Variants in ARID3B observed in about 807,000 individuals in gnomAD.
ARID3B encodes the protein AT-rich interaction domain 3B.
In ARID3B, 10 loss-of-function variants were observed where a neutral mutation model predicts 51.9. That is an observed-to-expected ratio of 0.19 (90% CI 0.12 to 0.33). The LOEUF (loss-of-function observed/expected upper bound fraction) is 0.33, where lower values mean the gene tolerates loss of function less well. Among genes scored for constraint, ARID3B ranks in the 10% least tolerant of loss-of-function variants. The probability of loss-of-function intolerance (pLI) is 1.00; values close to 1 mark genes in which losing one functional copy is unlikely to be tolerated. For synonymous variants in ARID3B, 205 were observed against 279.5 expected (o/e 0.73, Z 2.66); for missense variants, 483 against 716.3 (o/e 0.67, Z 3.72).
rs1308828023 is a variant in ARID3B at position 74,579,872 on chromosome 15, T to TGCGC, written c.697+6677_697+6680dup. On this transcript the variant is annotated intron_variant, in intron 4 of 8. Transcript: ENST00000346246. ...GTGTGTGTGTGTGTGTGTGTGTGTG[T>TGCGC]GCGCGCGCGCGCACACGCAAAAAAT... Among the ~76,000 whole-genome samples, 292 of 118,944 alleles carry TGCGC rather than the reference T, an allele frequency of 2.5e-3. 1 individual carries two copies. Among genetic ancestry groups the TGCGC allele is most frequent in the Middle Eastern group, 4.3e-3 (1 of 230 alleles). 78.0% of individuals were successfully genotyped at this position (118,944 alleles called of 152,430 possible).
chr15:74,588,408 T>C (rs761018583), intron 4 of ARID3B, among the ~76,000 whole-genome samples: 2 of 152,144 alleles, frequency 1.3e-5, no homozygotes, highest in Non-Finnish European at 1.5e-5. Flanking sequence ...AGAAGGCGGA[T>C]GGAGCAGAAA....
chr15:74,566,385 A>G (rs980068520), intron 2 of ARID3B, among the ~76,000 whole-genome samples: 3 of 152,058 alleles, frequency 2.0e-5, no homozygotes, highest in Non-Finnish European at 4.4e-5. Flanking sequence ...AGATCACCTG[A>G]GGTCAGGAGT....
In ARID3B at chr15:74,541,700, CA is replaced by C. The variant is rs1699132895; in HGVS notation, c.-78+371del. On this transcript the variant is annotated intron_variant, in intron 1 of 8. Coordinates refer to ENST00000346246, the MANE Select transcript of ARID3B (RefSeq NM_006465.4). Reference sequence around the variant, plus strand: ...TGAATAAAGAATGGGGGGAGGCGTGCAGGGGTGACCGGGAAGGTGGGCTGTG... The same window carrying C: ...TGAATAAAGAATGGGGGGAGGCGTGCGGGGTGACCGGGAAGGTGGGCTGTG... 4.6e-5 allele frequency among the ~76,000 whole-genome samples: 7 copies of C among 151,274 alleles called. No homozygotes were observed. The South Asian group carries it at 1.5e-3, about 32-fold the overall frequency.
chr15:74,590,546 T>A (rs1482850868), intron 5 of ARID3B, among the ~76,000 whole-genome samples: 10 of 152,078 alleles, frequency 6.6e-5, no homozygotes, highest in Non-Finnish European at 4.4e-5. Context: ...ATTACATGGG[T>A]GATGGAAGCG....
intron 2 of ARID3B, among the ~76,000 whole-genome samples, chr15:74,549,494 G>A (rs2061628470): frequency 6.6e-6 from 1 of 151,756 alleles, no homozygotes; most frequent in African/African-American, 2.4e-5. Context: ...TTGAACCTGG[G>A]AGGCGAAGGT....
rs562903133 is a variant in ARID3B, at chr15:74,592,221, G to C, written c.1420+407G>C. 3.3e-5 allele frequency among the ~76,000 whole-genome samples: 5 copies of C among 152,342 alleles called. No individual in the cohort carries two copies. The South Asian group carries it at 1.0e-3, about 32-fold the overall frequency. On this transcript the variant is annotated intron_variant, in intron 7 of 8. Transcript: ENST00000346246. ...TTCCTGAGGCTCAGCGAGGGGCCAAGTTGCCCCGGGCTGGACAGTGGGACT... is the reference window on the plus strand; with the variant it reads ...TTCCTGAGGCTCAGCGAGGGGCCAACTTGCCCCGGGCTGGACAGTGGGACT...
chr15:74,551,434 C>T (rs1484309686), intron 2 of ARID3B, among the ~76,000 whole-genome samples: 2 of 152,164 alleles, frequency 1.3e-5, no homozygotes, highest in Non-Finnish European at 2.9e-5. Context: ...ATACTAAGTC[C>T]TTATAAATAC....
chr15:74,553,001 A>T (rs1169415213), intron 2 of ARID3B, among the ~76,000 whole-genome samples: 4 of 152,192 alleles, frequency 2.6e-5, no homozygotes, highest in Admixed American at 6.5e-5. Context: ...CTTTCTAAGA[A>T]ACTGCCCAAC....
intron 4 of ARID3B, among the ~76,000 whole-genome samples, chr15:74,585,134 C>T (rs2061775623): frequency 6.6e-6 from 1 of 152,174 alleles, no homozygotes. Context: ...AGGTGCTCAC[C>T]CCCTTCTGGG....
chr15:74,580,366 A>G (rs901892811), intron 4 of ARID3B, among the ~76,000 whole-genome samples: 9 of 152,168 alleles, frequency 5.9e-5, no homozygotes, highest in Non-Finnish European at 1.2e-4. Flanking sequence ...TAATAAGCAA[A>G]GGCTATTATA....
At chr15:74,553,490 A>G (rs901145359) in intron 2 of ARID3B, among the ~76,000 whole-genome samples, 15 of 152,196 alleles carry the variant, frequency 9.9e-5, no homozygotes, top group Non-Finnish European at 2.2e-4. Context: ...CTAGTACTAA[A>G]CATTTTATAA....
At chr15:74,557,978 C>T (rs374362317) in intron 2 of ARID3B, among the ~76,000 whole-genome samples, 124 of 151,914 alleles carry the variant, frequency 8.2e-4, no homozygotes, top group Middle Eastern at 3.4e-3. Flanking sequence ...CCCGCCACCA[C>T]GCCTAGCTAA....
intron 2 of ARID3B, among the ~76,000 whole-genome samples, chr15:74,562,785 G>A (rs2061683624): frequency 6.6e-6 from 1 of 152,154 alleles, no homozygotes; most frequent in African/African-American, 2.4e-5. Flanking sequence ...TGGGAATATG[G>A]GAGATCCCAT....
At chr15:74,592,333 A>C (rs566946489) in intron 7 of ARID3B, among the ~76,000 whole-genome samples, 35 of 152,312 alleles carry the variant, frequency 2.3e-4, no homozygotes, top group African/African-American at 7.9e-4. Flanking sequence ...CTGGTGCCCC[A>C]CATTCTCTTC....
intron 2 of ARID3B, among the ~76,000 whole-genome samples, chr15:74,549,115 T>C (rs1471226745): frequency 1.3e-5 from 2 of 151,706 alleles, no homozygotes; most frequent in African/African-American, 4.8e-5. Context: ...TCGCTGTCAC[T>C]CAGGCTAGAG....
intron 2 of ARID3B, among the ~76,000 whole-genome samples, chr15:74,563,602 C>T (rs751240470): frequency 1.6e-4 from 25 of 152,200 alleles, no homozygotes; most frequent in Non-Finnish European, 3.1e-4. Context: ...GGCTCTCCAA[C>T]TCTGACTTTG....
At chr15:74,572,988 A>C in intron 3 of ARID3B, 55 bp downstream of exon 3, 1 of 1,603,646 alleles carries the variant, frequency 6.2e-7, no homozygotes, top group South Asian at 1.1e-5. Context: ...GTGGCTTGTT[A>C]CAGCTGATTC....
Position 74,583,031 on chromosome 15 carries a change from CAA to C in ARID3B, c.698-6771_698-6770del, listed in dbSNP as rs563528666. On this transcript the variant is annotated intron_variant, in intron 4 of 8. Transcript: ENST00000346246. ...CAACATGGTGAAACCCCATCTCTAC[CAA>C]AAAAAAAAAAAAAAAAATTAGCTGG... Among the ~76,000 whole-genome samples, 69 of 102,732 alleles carry C rather than the reference CAA, an allele frequency of 6.7e-4. 1 individual carries two copies. Among genetic ancestry groups the C allele is most frequent in the African/African-American group, 1.2e-3 (32 of 27,296 alleles). The allele number at this position is 102,732 out of a possible 152,430, so 67.4% of individuals were successfully genotyped here. A position where few individuals can be genotyped will look rare whatever the true frequency, so the allele number is the denominator to read the frequency against.
chr15:74,552,284 A>G (rs1224834690), intron 2 of ARID3B, among the ~76,000 whole-genome samples: 2 of 15,452 alleles, frequency 1.3e-4, no homozygotes, highest in African/African-American at 4.7e-4. Flanking sequence ...GATGGTCTCA[A>G]TCTCCTGACC....
Sources: allele counts gnomAD v4.1 joint callset (sites outside exome capture counted in the v4.1 genomes callset), GRCh38; gene constraint gnomAD v4.1.1; transcripts MANE v1.5; gene names NCBI Gene and HGNC (gene_info 2026-07-23, HGNC 2026-07-21).